Variants in AK2 observed in about 807,000 individuals in gnomAD.
The protein encoded by AK2 is adenylate kinase 2.
AK2 carries 15 observed loss-of-function variants against 24.6 expected under a neutral mutation model. The observed-to-expected ratio is 0.61, with a 90% CI of 0.41 to 0.94. The LOEUF (loss-of-function observed/expected upper bound fraction) is 0.94. Ranked by LOEUF, AK2 falls within the 40% of genes least tolerant of loss-of-function variation. AK2 has a pLI of 0.00. For missense variants in AK2, 257 were observed against 304.1 expected (o/e 0.85, Z 1.15); for synonymous variants, 102 against 114.0 (o/e 0.90, Z 0.67).
In AK2 at chr1:33,021,458, C is replaced by A; in HGVS notation, c.334G>T (p.Asp112Tyr). 1.2e-6 allele frequency: 2 copies of A among 1,613,866 alleles called. No individual in the cohort carries two copies. The highest frequency in any genetic ancestry group is 8.5e-7 in the Non-Finnish European group (1 of 1,179,800). ...TCTTTCCTCTTCTCCATGAGGTCAT[C>A]GAGCTGTAAAAGAATGTGTGGCCCA... Reference protein sequence around the residue: ...PRTVRQAEMLDDLMEKRKEKL... With the variant: ...PRTVRQAEMLYDLMEKRKEKL... Residue 112 changes from aspartate (D) to tyrosine (Y), a missense_variant, in exon 4 of 6, where the codon GAT (aspartate) becomes TAT (tyrosine). Asp to Tyr is a radical substitution (Grantham distance 160). Transcript: ENST00000672715.
At chr1:33,019,596 T>C in intron 4 of AK2, 1 of 984,628 alleles carries the variant, frequency 1.0e-6, no homozygotes, top group East Asian at 1.1e-4. Context: ...TCCACTGTAT[T>C]TCATATCGCT....
Position 33,023,401 on chromosome 1 carries a change from TACAACAACAACA to T in AK2, c.219+1029_219+1040del, listed in dbSNP as rs71909186. Among the ~76,000 whole-genome samples, 9 of 149,730 alleles carry T rather than the reference TACAACAACAACA, an allele frequency of 6.0e-5. No individual in the cohort carries two copies. In the South Asian group the frequency reaches 6.4e-4, roughly 11 times the overall value. On this transcript the variant is annotated intron_variant, in intron 2 of 5. Transcript: ENST00000672715. ...GGGCAACACAGTGAGACTCCATCTC[TACAACAACAACA>T]ACAACAACAACAACAACAACAAAAG...
In AK2 at chr1:33,021,125, G is replaced by A. The variant is rs185745291; in HGVS notation, c.425+242C>T. Reference sequence around the variant, plus strand: ...TGCGCCACTGCACTCCAGCCTGGGCGACAGAGTTAGACTCCCATCTAAAAA... The same window carrying A: ...TGCGCCACTGCACTCCAGCCTGGGCAACAGAGTTAGACTCCCATCTAAAAA... On this transcript the variant is annotated intron_variant, in intron 4 of 5. Transcript: ENST00000672715. Among the ~76,000 whole-genome samples the A allele has an allele frequency of 3.3e-5, 5 of 152,044 alleles. No individual in the cohort carries two copies. In the East Asian group the frequency reaches 9.7e-4, roughly 29 times the overall value.
intron 2 of AK2, among the ~76,000 whole-genome samples, chr1:33,022,664 A>T (rs1465441814): frequency 6.6e-6 from 1 of 152,054 alleles, no homozygotes; most frequent in African/African-American, 2.4e-5. Flanking sequence ...GCCCTAAGCC[A>T]ATATACTTCT....
intron 1 of AK2, among the ~76,000 whole-genome samples, chr1:33,030,690 AATAAACCCATGAGG>A (rs1640186019): frequency 6.6e-6 from 1 of 152,250 alleles, no homozygotes; most frequent in Admixed American, 6.5e-5. Context: ...TATAATACAT[AATAAACCCATGAGG>A]TAGGAACTAT....
intron 1 of AK2, 137 bp downstream of exon 1, chr1:33,036,599 A>C: frequency 1.2e-6 from 1 of 814,974 alleles, no homozygotes; most frequent in Non-Finnish European, 2.1e-6. Context: ...CCCCACCAGA[A>C]CCGAGACCCC....
chr1:33,010,857 A>G lies in AK2; in HGVS notation c.*2324T>C. ...GGCTGAAATAGAGAGGAAACAAGAG[A>G]GAACAAAATGGGTTTTTAAAAACCA... is the stretch of plus-strand genomic sequence containing the variant. On this transcript the variant is annotated 3_prime_UTR_variant, in exon 6 of 6. Coordinates refer to ENST00000672715, the MANE Select transcript of AK2 (RefSeq NM_001625.4). 5.0e-6 allele frequency: 8 copies of G among 1,614,196 alleles called. No individual in the cohort carries two copies. The highest frequency in any genetic ancestry group is 6.8e-6 in the Non-Finnish European group (8 of 1,180,046).
rs138496854 is a variant in AK2 at position 33,017,321 on chromosome 1, T to C, written c.426-2727A>G. Among the ~76,000 whole-genome samples, 20 of 152,250 alleles carry C rather than the reference T, an allele frequency of 1.3e-4. No individual in the cohort carries two copies. In the East Asian group the frequency reaches 3.9e-3, roughly 29 times the overall value. On this transcript the variant is annotated intron_variant, in intron 4 of 5. Transcript: ENST00000672715. ...GTGACTGCAGTCATGTACTGTGAGG[T>C]TGCACCTTCCATTATTTGAGTGCCT...
At chr1:33,017,816 C>T (rs12096662) in intron 4 of AK2, among the ~76,000 whole-genome samples, 2 of 152,072 alleles carry the variant, frequency 1.3e-5, no homozygotes, top group South Asian at 2.1e-4. Context: ...GTCCAGTGGC[C>T]TAATCATGGC....
rs191196097 is a variant in AK2, at chr1:33,008,023, A to G, written c.*5158T>C. The G allele has an allele frequency of 6.3e-4, 287 of 454,132 alleles. 3 individuals carry two copies. Among genetic ancestry groups the G allele is most frequent in the South Asian group, 8.5e-4 (55 of 64,474 alleles). The allele number at this position is 454,132 out of a possible 1,614,324, so 28.1% of individuals were successfully genotyped here. On this transcript the variant is annotated 3_prime_UTR_variant, in exon 6 of 6. Transcript: ENST00000672715. Reference sequence around the variant, plus strand: ...GAATTTAATATGTTAGACTATTATTAATTATGAAAACACATAAAGAATTCT... The same window carrying G: ...GAATTTAATATGTTAGACTATTATTGATTATGAAAACACATAAAGAATTCT...
chr1:33,024,229 A>G (rs1639732440), intron 2 of AK2: 3 of 655,296 alleles, frequency 4.6e-6, no homozygotes, highest in Non-Finnish European at 7.9e-6. Context: ...CCTCTAGCAC[A>G]TGGTTGTTCA....
intron 1 of AK2, among the ~76,000 whole-genome samples, chr1:33,034,449 TACAC>T (rs71833811): frequency 0.055 from 7,826 of 141,810 alleles, 259 homozygotes; most frequent in African/African-American, 0.1. Context: ...GGGTGCTTGA[TACAC>T]ACACACACAC....
At chr1:33,033,718 G>A (rs79746713) in intron 1 of AK2, among the ~76,000 whole-genome samples, 2,793 of 152,184 alleles carry the variant, frequency 0.018, 60 homozygotes, top group African/African-American at 0.047. Flanking sequence ...CTAGAGGAGC[G>A]AAGGCCACCA....
intron 4 of AK2, 22 bp from the exon 5 acceptor site, chr1:33,014,616 T>C (rs764911232): frequency 1.9e-6 from 3 of 1,603,354 alleles, no homozygotes; most frequent in Non-Finnish European, 2.6e-6. Flanking sequence ...CAAATGAATA[T>C]GAGTTAGGTT....
chr1:33,009,339 A>G lies in AK2; in HGVS notation c.*3842T>C. On this transcript the variant is annotated 3_prime_UTR_variant, in exon 6 of 6. Coordinates refer to ENST00000672715, the MANE Select transcript of AK2 (RefSeq NM_001625.4). ...GGAGAGGAAATGAATTTAAACTAGG[A>G]CACACAGAGAAGCAACAAAGAGTGT... 1 of 454,180 alleles carries G rather than the reference A, an allele frequency of 2.2e-6. No individual in the cohort carries two copies. Among genetic ancestry groups the G allele is most frequent in the South Asian group, 1.6e-5 (1 of 64,482 alleles). The allele number at this position is 454,180 out of a possible 1,614,324, so 28.1% of individuals were successfully genotyped here.
chr1:33,034,255 C>G (rs1351790860), intron 1 of AK2, among the ~76,000 whole-genome samples: 1 of 152,130 alleles, frequency 6.6e-6, no homozygotes, highest in African/African-American at 2.4e-5. Context: ...CTGACCAACT[C>G]TCATCTTCAT....
chr1:33,035,929 A>G (rs1025491059), intron 1 of AK2, among the ~76,000 whole-genome samples: 7 of 152,146 alleles, frequency 4.6e-5, no homozygotes, highest in African/African-American at 1.7e-4. Flanking sequence ...ATAAATAAAA[A>G]CCAAAGGGAA....
At chr1:33,035,719 T>C (rs1640537441) in intron 1 of AK2, among the ~76,000 whole-genome samples, 2 of 152,144 alleles carry the variant, frequency 1.3e-5, no homozygotes, top group Admixed American at 6.5e-5. Context: ...AGATCCCAAG[T>C]GAGGCCCCTG....
rs1178904115 is a variant in AK2 at position 33,008,594 on chromosome 1, C to A, written c.*4587G>T. 1 of 454,050 alleles carries A rather than the reference C, an allele frequency of 2.2e-6. No homozygotes were observed. The highest frequency in any genetic ancestry group is 7.0e-5 in the East Asian group (1 of 14,388). 28.1% of individuals were successfully genotyped at this position (454,050 alleles called of 1,614,324 possible). On this transcript the variant is annotated 3_prime_UTR_variant, in exon 6 of 6. Transcript: ENST00000672715. ...CACTTCAGCAACAAGATCAAGGGGA[C>A]GGATAAGTGTTAGAGACTGTGTTTC...
Sources: allele counts gnomAD v4.1 joint callset (sites outside exome capture counted in the v4.1 genomes callset), GRCh38; gene constraint gnomAD v4.1.1; transcripts MANE v1.5; gene names NCBI Gene and HGNC (gene_info 2026-07-23, HGNC 2026-07-21).